The following NTM variants were observed in gnomAD, a reference collection of about 807,000 sequenced individuals.
NTM encodes the protein IgLON family member 2.
A neutral mutation model predicts 42.1 loss-of-function variants in NTM; 13 were observed. The ratio of observed to expected loss-of-function variants is 0.31; its 90% CI spans 0.20 to 0.49. The LOEUF is 0.49. Ranked by LOEUF, NTM falls within the 20% of genes least tolerant of loss-of-function variation. The probability of loss-of-function intolerance (pLI) is 0.99; values close to 1 mark genes in which losing one functional copy is unlikely to be tolerated. For synonymous variants in NTM, 187 were observed against 179.2 expected (o/e 1.04, Z -0.35); for missense variants, 373 against 452.8 (o/e 0.82, Z 1.60).
intron 1 of NTM, among the ~76,000 whole-genome samples, chr11:131,626,415 CTAAGA>C (rs1221764188): frequency 6.6e-6 from 1 of 152,122 alleles, no homozygotes; most frequent in Non-Finnish European, 1.5e-5. Flanking sequence ...TATTTTGTCC[CTAAGA>C]TGAGTGAGGA....
chr11:132,151,776 G>C (rs1239769213), intron 3 of NTM, among the ~76,000 whole-genome samples: 1 of 152,180 alleles, frequency 6.6e-6, no homozygotes, highest in Non-Finnish European at 1.5e-5. Flanking sequence ...CTATGGAATA[G>C]GGCAGGAATG....
At position 132,335,168 on chromosome 11, in the gene NTM, C is replaced by G; in HGVS notation, c.*22C>G. On this transcript the variant is annotated 3_prime_UTR_variant, in exon 9 of 9. Coordinates refer to ENST00000683400, the MANE Select transcript of NTM (RefSeq NM_001352005.2). ...TTGATGTGAGTGCCACTTCCCCACC[C>G]GGGAAAGGCTGCCGCCACCACCACC... is the stretch of plus-strand genomic sequence containing the variant. 1.2e-6 allele frequency: 2 copies of G among 1,610,484 alleles called. No individual in the cohort carries two copies. The highest frequency in any genetic ancestry group is 1.7e-6 in the Non-Finnish European group (2 of 1,179,586).
In NTM at chr11:131,436,889, T is replaced by G. The variant is rs1949181700; in HGVS notation, c.82+66001T>G. Among the ~76,000 whole-genome samples the G allele has an allele frequency of 2.0e-5, 3 of 152,216 alleles. 1 individual carries two copies. In the South Asian group the frequency reaches 6.2e-4, roughly 32 times the overall value. ...AATTGTGATGTTAGGGTGTCAATTT[T>G]AGATCTTTCCTGCTTTCTCTTGTGG... On this transcript the variant is annotated intron_variant, in intron 1 of 8. Transcript: ENST00000683400.
chr11:131,661,136 C>T (rs986257301), intron 1 of NTM: 30 of 906,490 alleles, frequency 3.3e-5, no homozygotes, highest in Middle Eastern at 2.7e-4. Flanking sequence ...TTCCTCAGGA[C>T]GGAAGGTCCA....
intron 4 of NTM, among the ~76,000 whole-genome samples, chr11:132,222,802 C>T (rs2085441979): frequency 6.6e-6 from 1 of 152,166 alleles, no homozygotes; most frequent in Non-Finnish European, 1.5e-5. Context: ...TTTTCCTCCT[C>T]CTAATCCAGA....
Position 132,097,727 on chromosome 11 carries a change from G to A in NTM, c.168-48555G>A, listed in dbSNP as rs146401421. On this transcript the variant is annotated intron_variant, in intron 2 of 8. Transcript: ENST00000683400. ...GGTAGTAGAGACTTCGTGAACACTC[G>A]TGAACTTCTGATGAAAGGGCTTCTC... Among the ~76,000 whole-genome samples the A allele has an allele frequency of 3.3e-5, 5 of 152,334 alleles. No homozygotes were observed. In the East Asian group the frequency reaches 9.7e-4, roughly 29 times the overall value.
intron 1 of NTM, among the ~76,000 whole-genome samples, chr11:131,843,920 A>G (rs1157673419): frequency 6.6e-6 from 1 of 151,486 alleles, no homozygotes; most frequent in Middle Eastern, 3.2e-3. Flanking sequence ...TTCGATATGA[A>G]TTCTTTTTTA....
In NTM at chr11:132,114,072, C is replaced by T. The variant is rs549862296; in HGVS notation, c.168-32210C>T. Among the ~76,000 whole-genome samples, 3 of 152,204 alleles carry T rather than the reference C, an allele frequency of 2.0e-5. No individual in the cohort carries two copies. In the South Asian group the frequency reaches 6.2e-4, roughly 32 times the overall value. The stretch of plus-strand genomic sequence containing the variant: ...ATCATCAACAAATTTTTCTCTTTCC[C>T]ATGGATTCTTTAAAAGGCGTCTTTT... On this transcript the variant is annotated intron_variant, in intron 2 of 8. Transcript: ENST00000683400.
chr11:131,913,738 A>T (rs974107352), intron 2 of NTM, among the ~76,000 whole-genome samples: 1 of 151,916 alleles, frequency 6.6e-6, no homozygotes, highest in Admixed American at 6.6e-5. Context: ...TCCTTTCTAG[A>T]CCCTTGAATT....
intron 1 of NTM, among the ~76,000 whole-genome samples, chr11:131,784,563 G>A (rs1466356313): frequency 6.6e-6 from 1 of 152,174 alleles, no homozygotes; most frequent in Non-Finnish European, 1.5e-5. Flanking sequence ...ACTGTAGCAA[G>A]AGAAAGCAAA....
rs1555108116 is a variant in NTM at position 131,424,600 on chromosome 11, C to CTTTTCTTTTTTTTTTTTTTTTTTT, written c.82+53716_82+53717insCTTTTTTTTTTTTTTTTTTTTTTT. On this transcript the variant is annotated intron_variant, in intron 1 of 8. Transcript: ENST00000683400. ...AGTTGTTTTTTATTTCTTTTCTTTTCTTTTTTTTTTTTTTTTTTGGCGCAA... is the reference window on the plus strand; with the variant it reads ...AGTTGTTTTTTATTTCTTTTCTTTTCTTTTCTTTTTTTTTTTTTTTTTTTTTTTTTTTTTTTTTTTTTGGCGCAA... 2.7e-4 allele frequency among the ~76,000 whole-genome samples: 15 copies of CTTTTCTTTTTTTTTTTTTTTTTTT among 56,052 alleles called. 1 individual carries two copies. The highest frequency in any genetic ancestry group is 5.8e-4 in the African/African-American group (8 of 13,736). The allele number at this position is 56,052 out of a possible 152,430, so 36.8% of individuals were successfully genotyped here.
intron 2 of NTM, among the ~76,000 whole-genome samples, chr11:132,134,703 TG>T (rs1323738318): frequency 1.1e-5 from 1 of 89,348 alleles, no homozygotes; most frequent in African/African-American, 3.7e-5. Context: ...TAGTATTCCA[TG>T]GTATATATAT....
chr11:131,789,627 A>G (rs1413835281), intron 1 of NTM, among the ~76,000 whole-genome samples: 3 of 90,780 alleles, frequency 3.3e-5, no homozygotes, highest in Non-Finnish European at 4.6e-5. Context: ...AAGAAGAAGA[A>G]GAAGAAGAAA....
intron 2 of NTM, among the ~76,000 whole-genome samples, chr11:132,008,606 C>A (rs1272188959): frequency 1.3e-5 from 2 of 152,050 alleles, no homozygotes; most frequent in Non-Finnish European, 2.9e-5. Context: ...TTTGGAGCCT[C>A]TGTCTGTGAA....
intron 1 of NTM, among the ~76,000 whole-genome samples, chr11:131,505,553 C>T (rs962020891): frequency 2.0e-5 from 3 of 152,172 alleles, no homozygotes; most frequent in Admixed American, 2.0e-4. Context: ...GACACTGAGA[C>T]CTAAACTGGG....
intron 3 of NTM, among the ~76,000 whole-genome samples, chr11:132,165,637 A>G (rs915059473): frequency 6.6e-6 from 1 of 152,190 alleles, no homozygotes; most frequent in African/African-American, 2.4e-5. Flanking sequence ...ACTGAGGCTC[A>G]GGGGGGGTTT....
rs114348097 is a variant in NTM at position 131,963,555 on chromosome 11, C to A, written c.167+51907C>A. Among the ~76,000 whole-genome samples the A allele has an allele frequency of 5.8e-3, 883 of 152,274 alleles. 7 individuals are homozygous for A. The highest frequency in any genetic ancestry group is 0.02 in the African/African-American group (851 of 41,554). On this transcript the variant is annotated intron_variant, in intron 2 of 8. Coordinates refer to ENST00000683400, the MANE Select transcript of NTM (RefSeq NM_001352005.2). ...CACCCATGGAGAATATCTCCTGTGA[C>A]CTTGCTAAAAGGATTCTAGCCAGAG... is the stretch of plus-strand genomic sequence containing the variant.
At chr11:131,849,367 T>C (rs2045270176) in intron 1 of NTM, among the ~76,000 whole-genome samples, 1 of 152,144 alleles carries the variant, frequency 6.6e-6, no homozygotes, top group Admixed American at 6.5e-5. Flanking sequence ...TCTGCTTGGC[T>C]TCTGGGTTAG....
chr11:131,788,023 T>G (rs1458395210), intron 1 of NTM, among the ~76,000 whole-genome samples: 1 of 152,232 alleles, frequency 6.6e-6, no homozygotes, highest in East Asian at 1.9e-4. Context: ...TGTCTATAAT[T>G]GTTTTCTCTG....
Sources: allele counts gnomAD v4.1 joint callset (sites outside exome capture counted in the v4.1 genomes callset), GRCh38; gene constraint gnomAD v4.1.1; transcripts MANE v1.5; gene names NCBI Gene and HGNC (gene_info 2026-07-23, HGNC 2026-07-21).